Variants in SPON1 observed in about 807,000 individuals in gnomAD.
The protein encoded by SPON1 is spondin 1, also known as spondin-1.
Under a neutral mutation model 111.7 loss-of-function variants are expected in SPON1, and 52 were observed. The ratio of observed to expected loss-of-function variants is 0.47; its 90% CI spans 0.37 to 0.59. The LOEUF (loss-of-function observed/expected upper bound fraction) is 0.59. Ranked by LOEUF, SPON1 falls within the 20% of genes least tolerant of loss-of-function variation. SPON1 has a pLI of 0.00. For missense variants in SPON1, 957 were observed against 1,068.5 expected (o/e 0.90, Z 1.46); for synonymous variants, 410 against 395.8 (o/e 1.04, Z -0.43).
At chr11:14,224,908 C>T (rs1444773596) in intron 6 of SPON1, among the ~76,000 whole-genome samples, 1 of 152,150 alleles carries the variant, frequency 6.6e-6, no homozygotes, top group African/African-American at 2.4e-5. Context: ...GTCTGATGGA[C>T]TGGGTGCAGG....
In SPON1 at chr11:14,036,642, A is replaced by G. The variant is rs528781747; in HGVS notation, c.346-4879A>G. Among the ~76,000 whole-genome samples the G allele has an allele frequency of 1.8e-4, 28 of 152,358 alleles. No individual in the cohort carries two copies. In the South Asian group the frequency reaches 5.6e-3, roughly 30 times the overall value. On this transcript the variant is annotated intron_variant, in intron 2 of 15. Transcript: ENST00000576479. ...CAACACTAGAAATATAAACGAATGA[A>G]TCATCTATACAGAGGTAGTAATTAA... is the stretch of plus-strand genomic sequence containing the variant.
chr11:14,072,951 C>A (rs1293673840), intron 3 of SPON1, among the ~76,000 whole-genome samples: 11 of 152,144 alleles, frequency 7.2e-5, no homozygotes, highest in Non-Finnish European at 1.6e-4. Context: ...TCATCTCATA[C>A]AGGTCGAGTA....
At chr11:14,046,516 T>C (rs957858674) in intron 3 of SPON1, among the ~76,000 whole-genome samples, 16 of 152,218 alleles carry the variant, frequency 1.1e-4, no homozygotes, top group African/African-American at 3.9e-4. Context: ...CTTGATGGGC[T>C]GAGATGCTAC....
intron 5 of SPON1, among the ~76,000 whole-genome samples, chr11:14,084,756 C>G (rs1225679625): frequency 6.6e-6 from 1 of 152,196 alleles, no homozygotes; most frequent in Non-Finnish European, 1.5e-5. Flanking sequence ...CTAATTTACA[C>G]TCCCACCAAC....
chr11:14,256,408 C>G (rs1174510854), intron 9 of SPON1, among the ~76,000 whole-genome samples: 1 of 152,166 alleles, frequency 6.6e-6, no homozygotes, highest in Non-Finnish European at 1.5e-5. Context: ...GTGGTGGTAC[C>G]CAAGTTATGT....
At chr11:14,149,431 G>T (rs991720843) in intron 6 of SPON1, among the ~76,000 whole-genome samples, 12 of 151,792 alleles carry the variant, frequency 7.9e-5, no homozygotes, top group Non-Finnish European at 1.3e-4. Flanking sequence ...TCGTTAAAAA[G>T]GTAAAAAAAA....
intron 6 of SPON1, among the ~76,000 whole-genome samples, chr11:14,189,032 A>G (rs1424290074): frequency 1.3e-5 from 2 of 152,382 alleles, no homozygotes; most frequent in South Asian, 2.1e-4. Context: ...ATTAAGACAC[A>G]TAAAAATGTT....
At chr11:14,150,948 T>C (rs1229886896) in intron 6 of SPON1, among the ~76,000 whole-genome samples, 3 of 152,202 alleles carry the variant, frequency 2.0e-5, no homozygotes, top group Non-Finnish European at 2.9e-5. Flanking sequence ...AGGACCAGGA[T>C]AGCAGTTTTT....
intron 6 of SPON1, among the ~76,000 whole-genome samples, chr11:14,141,760 G>T (rs2086497975): frequency 6.6e-6 from 1 of 152,018 alleles, no homozygotes. Context: ...CTAAACTATT[G>T]TTTTTTTCTG....
chr11:13,977,548 T>C (rs1295584717), intron 1 of SPON1, among the ~76,000 whole-genome samples: 1 of 152,206 alleles, frequency 6.6e-6, no homozygotes, highest in African/African-American at 2.4e-5. Context: ...CTTTTTCTTA[T>C]TGATCTGAAA....
chr11:14,085,787 AT>A (rs1160900214), intron 5 of SPON1, among the ~76,000 whole-genome samples: 4 of 152,088 alleles, frequency 2.6e-5, no homozygotes, highest in African/African-American at 9.7e-5. Flanking sequence ...TGAGCATGGA[AT>A]TTTTTTCCAT....
chr11:14,255,409 T>A (rs1360978754), intron 8 of SPON1, among the ~76,000 whole-genome samples: 6 of 152,252 alleles, frequency 3.9e-5, no homozygotes, highest in African/African-American at 1.4e-4. Context: ...ATGGCCTCTC[T>A]GAAACTTGGC....
intron 5 of SPON1, among the ~76,000 whole-genome samples, chr11:14,132,474 T>A (rs1247609667): frequency 6.6e-6 from 1 of 152,174 alleles, no homozygotes; most frequent in Non-Finnish European, 1.5e-5. Context: ...TCTGGGGAAT[T>A]TGGAGTTAGC....
intron 6 of SPON1, among the ~76,000 whole-genome samples, chr11:14,171,702 C>A (rs1440473144): frequency 6.6e-6 from 1 of 151,638 alleles, no homozygotes; most frequent in Non-Finnish European, 1.5e-5. Context: ...TCTTTGTTCT[C>A]GTTGGTTTCA....
chr11:13,967,518 A>G (rs1848026961), intron 1 of SPON1, among the ~76,000 whole-genome samples: 2 of 135,968 alleles, frequency 1.5e-5, no homozygotes, highest in Non-Finnish European at 3.1e-5. Context: ...CAAATTGGAT[A>G]GGAAAAAAAA....
intron 6 of SPON1, among the ~76,000 whole-genome samples, chr11:14,147,889 A>T (rs10766150): frequency 0.39 from 59,659 of 151,908 alleles, 11,966 homozygotes; most frequent in East Asian, 0.54. Flanking sequence ...AGAAAAGGAA[A>T]ATGAGATGGC....
At chr11:14,158,385 G>A (rs572441009) in intron 6 of SPON1, among the ~76,000 whole-genome samples, 5 of 152,294 alleles carry the variant, frequency 3.3e-5, no homozygotes, top group Admixed American at 2.6e-4. Context: ...TCTACCCAGA[G>A]TTGCAAACTT....
At chr11:14,134,526 C>A (rs539937289) in intron 5 of SPON1, among the ~76,000 whole-genome samples, 1 of 152,210 alleles carries the variant, frequency 6.6e-6, no homozygotes, top group Non-Finnish European at 1.5e-5. Flanking sequence ...GGACTGGTCA[C>A]TTCCACATAT....
rs535610446 is a variant in SPON1 at position 14,152,438 on chromosome 11, A to G, written c.825+16870A>G. ...GCAAGCCAATGCTCTTCTAAAGGGC[A>G]TTGATCCATGTATGTTATGGGCAGC... On this transcript the variant is annotated intron_variant, in intron 6 of 15. Coordinates refer to ENST00000576479, the MANE Select transcript of SPON1 (RefSeq NM_006108.4). Among the ~76,000 whole-genome samples, 8 of 152,358 alleles carry G rather than the reference A, an allele frequency of 5.3e-5. No individual in the cohort carries two copies. In the South Asian group the frequency reaches 1.7e-3, roughly 32 times the overall value.
Sources: gnomAD v4.1 joint callset for allele counts (sites outside exome capture counted in the v4.1 genomes callset) on GRCh38, gnomAD v4.1.1 for gene constraint, MANE v1.5 for transcripts, NCBI Gene and HGNC (gene_info 2026-07-23, HGNC 2026-07-21) for gene names.